SHLD1: variants seen among roughly 807,000 people sequenced by gnomAD.
The protein encoded by SHLD1 is shieldin complex subunit 1, also known as RINN1-REV7-interacting novel NHEJ regulator 3.
Under a neutral mutation model 5.5 loss-of-function variants are expected in SHLD1, and 3 were observed. The ratio of observed to expected loss-of-function variants is 0.54; its 90% CI spans 0.25 to 1.40. The LOEUF (loss-of-function observed/expected upper bound fraction) is 1.40, where lower values mean the gene tolerates loss of function less well. Ranked by LOEUF, SHLD1 falls within the 40% of genes most tolerant of loss-of-function variation. The pLI, the probability that SHLD1 is intolerant of heterozygous loss-of-function variation, is 0.15. For synonymous variants in SHLD1, 92 were observed against 94.3 expected, an observed-to-expected ratio of 0.98 and a Z score of 0.14; for missense variants, 210 against 244.4, an observed-to-expected ratio of 0.86 and a Z score of 0.94.
chr20:5,764,193 T>TA (rs1331405597), intron 1 of SHLD1, among the ~76,000 whole-genome samples: 7 of 74,994 alleles, frequency 9.3e-5, no homozygotes, highest in African/African-American at 3.7e-4. Flanking sequence ...TATATATATT[T>TA]TATATATATA....
Position 5,804,341 on chromosome 20 carries a change from CA to C in SHLD1, c.178+31307del, listed in dbSNP as rs142413659. Among the ~76,000 whole-genome samples, 1,201 of 120,212 alleles carry C rather than the reference CA, an allele frequency of 1.0e-2. 16 individuals are homozygous for C. Among genetic ancestry groups the C allele is most frequent in the African/African-American group, 0.04 (1,111 of 27,840 alleles). 78.9% of individuals were successfully genotyped at this position (120,212 alleles called of 152,430 possible). A position where few individuals can be genotyped will look rare whatever the true frequency, so the allele number is the denominator to read the frequency against. On this transcript the variant is annotated intron_variant, in intron 2 of 2. Transcript: ENST00000303142. ...GTTACTGTAAGACATTTGTATATCG[CA>C]AAAAAAAACTATATATATATATACA...
chr20:5,863,839 T>A lies in SHLD1; in HGVS notation c.*376T>A. ...GAAATCACACCCTTGCTGGGCTTAA[T>A]CCCTTTCCCTACCCTCCCATTTATT... On this transcript the variant is annotated 3_prime_UTR_variant, in exon 3 of 3. Transcript: ENST00000303142. 1 of 170,144 alleles carries A rather than the reference T, an allele frequency of 5.9e-6. No homozygotes were observed. Among genetic ancestry groups the A allele is most frequent in the East Asian group, 1.6e-4 (1 of 6,076 alleles). The allele number at this position is 170,144 out of a possible 1,614,324, so 10.5% of individuals were successfully genotyped here. A position where few individuals can be genotyped will look rare whatever the true frequency, so the allele number is the denominator to read the frequency against.
chr20:5,754,535 A>G (rs1257074441), intron 1 of SHLD1, among the ~76,000 whole-genome samples: 1 of 152,188 alleles, frequency 6.6e-6, no homozygotes, highest in Non-Finnish European at 1.5e-5. Context: ...TCTGTAAAAT[A>G]TTTAAAGAGG....
rs568456744 is a variant in SHLD1 at position 5,836,508 on chromosome 20, T to C, written c.179-26516T>C. Among the ~76,000 whole-genome samples the C allele has an allele frequency of 1.1e-4, 17 of 152,364 alleles. No homozygotes were observed. In the East Asian group the frequency reaches 2.3e-3, roughly 21 times the overall value. On this transcript the variant is annotated intron_variant, in intron 2 of 2. Transcript: ENST00000303142. ...CTTGCTCCCATGGCTCTAGCCACAG[T>C]GGCCTCTCATCCTTGCAAAGCTGTT...
At chr20:5,778,471 G>A (rs1358502689) in intron 2 of SHLD1, among the ~76,000 whole-genome samples, 1 of 151,856 alleles carries the variant, frequency 6.6e-6, no homozygotes, top group African/African-American at 2.4e-5. Context: ...GCCGGGTGTG[G>A]TGGTACACAC....
chr20:5,854,200 T>C (rs1329001681), intron 2 of SHLD1, among the ~76,000 whole-genome samples: 1 of 152,138 alleles, frequency 6.6e-6, no homozygotes, highest in Admixed American at 6.5e-5. Flanking sequence ...CAGATGGGGT[T>C]TCACCATGTT....
chr20:5,816,134 G>A (rs1204210502), intron 2 of SHLD1, among the ~76,000 whole-genome samples: 3 of 151,040 alleles, frequency 2.0e-5, no homozygotes, highest in Non-Finnish European at 4.4e-5. Context: ...GCATAAACTG[G>A]TAGAATACAC....
At position 5,817,269 on chromosome 20, in the gene SHLD1, T is replaced by C. The variant is rs1335643123; in HGVS notation, c.178+44226T>C. Reference sequence around the variant, plus strand: ...AGATGCTGGACTTAGTGATATTACATTGTAGAGTGTCTGTATTTTGCTGCC... The same window carrying C: ...AGATGCTGGACTTAGTGATATTACACTGTAGAGTGTCTGTATTTTGCTGCC... On this transcript the variant is annotated intron_variant, in intron 2 of 2. Coordinates refer to ENST00000303142, the MANE Select transcript of SHLD1 (RefSeq NM_152504.4). 2.0e-5 allele frequency among the ~76,000 whole-genome samples: 3 copies of C among 152,190 alleles called. No homozygotes were observed. The East Asian group carries it at 5.8e-4, about 29-fold the overall frequency.
chr20:5,765,458 C>T (rs897916214), intron 1 of SHLD1, among the ~76,000 whole-genome samples: 2 of 151,764 alleles, frequency 1.3e-5, no homozygotes, highest in Admixed American at 6.6e-5. Flanking sequence ...CCATATTGGC[C>T]GGGGTGGTCT....
intron 2 of SHLD1, among the ~76,000 whole-genome samples, chr20:5,782,882 A>G (rs2087005715): frequency 2.0e-5 from 3 of 152,226 alleles, no homozygotes; most frequent in Admixed American, 1.3e-4. Context: ...TTTATATACT[A>G]GTTGTCAAAT....
intron 2 of SHLD1, among the ~76,000 whole-genome samples, chr20:5,820,247 G>T (rs2122409020): frequency 6.6e-6 from 1 of 152,252 alleles, no homozygotes; most frequent in South Asian, 2.1e-4. Flanking sequence ...TGCCCAGCCA[G>T]TCTTATTAAA....
Position 5,855,257 on chromosome 20 carries a change from T to C in SHLD1, c.179-7767T>C, listed in dbSNP as rs2088067575. Among the ~76,000 whole-genome samples the C allele has an allele frequency of 6.6e-6, 1 of 152,316 alleles. No individual in the cohort carries two copies. The highest frequency in any genetic ancestry group is 2.4e-5 in the African/African-American group (1 of 41,578). ...TATTTTTCCTATTGTGGCTGGCTTA[T>C]TTCACTTAGCATAATGTCCTCAGGG... On this transcript the variant is annotated intron_variant, in intron 2 of 2. Transcript: ENST00000303142. This position sits in a 1 kb window ranked among gnomAD's most constrained non-coding sequence, Gnocchi z 4.4.
chr20:5,858,554 C>G (rs2088119546), intron 2 of SHLD1, among the ~76,000 whole-genome samples: 1 of 152,194 alleles, frequency 6.6e-6, no homozygotes, highest in African/African-American at 2.4e-5. Context: ...AAGTATCAGG[C>G]TGAGCGTGGT....
chr20:5,818,954 C>T (rs927234595), intron 2 of SHLD1, among the ~76,000 whole-genome samples: 9 of 152,162 alleles, frequency 5.9e-5, no homozygotes, highest in African/African-American at 1.9e-4. Flanking sequence ...CCTCTGCCTC[C>T]TGGGTTCAAG....
chr20:5,813,342 T>A (rs933523320), intron 2 of SHLD1, among the ~76,000 whole-genome samples: 1 of 151,820 alleles, frequency 6.6e-6, no homozygotes, highest in African/African-American at 2.4e-5. Context: ...ACAAAAAAAA[T>A]AGCGAGGCGT....
At position 5,755,559 on chromosome 20, in the gene SHLD1, C is replaced by G. The variant is rs951585670; in HGVS notation, c.-5+5080C>G. 4.0e-4 allele frequency among the ~76,000 whole-genome samples: 61 copies of G among 151,014 alleles called. 1 individual carries two copies. Among genetic ancestry groups the G allele is most frequent in the African/African-American group, 1.3e-3 (52 of 41,022 alleles). ...AGTAAGGGAAGAACATTTTCTTTTTCTTTTTCTTTTTTTTTTTGAGATGGA... is the reference window on the plus strand; with the variant it reads ...AGTAAGGGAAGAACATTTTCTTTTTGTTTTTCTTTTTTTTTTTGAGATGGA... On this transcript the variant is annotated intron_variant, in intron 1 of 2. Coordinates refer to ENST00000303142, the MANE Select transcript of SHLD1 (RefSeq NM_152504.4).
intron 2 of SHLD1, among the ~76,000 whole-genome samples, chr20:5,807,419 C>G (rs527752699): frequency 1.3e-5 from 2 of 149,428 alleles, no homozygotes; most frequent in South Asian, 4.2e-4. Flanking sequence ...GGATCTTGCT[C>G]TCTTTTGATA....
At chr20:5,760,015 C>T (rs1984370445) in intron 1 of SHLD1, among the ~76,000 whole-genome samples, 1 of 148,478 alleles carries the variant, frequency 6.7e-6, no homozygotes, top group African/African-American at 2.5e-5. Flanking sequence ...CACACATATA[C>T]ATATACATCT....
intron 2 of SHLD1, among the ~76,000 whole-genome samples, chr20:5,801,098 A>G (rs1327611754): frequency 6.9e-6 from 1 of 144,060 alleles, no homozygotes; most frequent in Non-Finnish European, 1.5e-5. Flanking sequence ...TCTTTTTGAG[A>G]CAGAGTTTCT....
Sources: gnomAD v4.1 joint callset for allele counts (sites outside exome capture counted in the v4.1 genomes callset) on GRCh38, gnomAD v4.1.1 for gene constraint, Gnocchi (gnomAD v3.1) non-coding constraint, MANE v1.5 for transcripts, NCBI Gene and HGNC (gene_info 2026-07-23, HGNC 2026-07-21) for gene names.